DPF3: variants seen among roughly 807,000 people sequenced by gnomAD.
DPF3 encodes double PHD fingers 3.
Under a neutral mutation model 56.8 loss-of-function variants are expected in DPF3, and 18 were observed. The observed-to-expected ratio is 0.32, with a 90% CI of 0.22 to 0.47. DPF3 has a LOEUF of 0.47. Ranked by LOEUF, DPF3 falls within the 20% of genes least tolerant of loss-of-function variation. DPF3 has a pLI of 1.00. For missense variants in DPF3, 403 were observed against 488.8 expected (o/e 0.82, Z 1.65); for synonymous variants, 188 against 180.2 (o/e 1.04, Z -0.35).
intron 1 of DPF3, among the ~76,000 whole-genome samples, chr14:72,870,887 C>T (rs1885873278): frequency 6.6e-6 from 1 of 152,156 alleles, no homozygotes; most frequent in Admixed American, 6.5e-5. Flanking sequence ...CCAGCCTGGG[C>T]AACATGGCAA....
chr14:72,736,353 C>T (rs1387739855), intron 3 of DPF3, among the ~76,000 whole-genome samples: 4 of 152,188 alleles, frequency 2.6e-5, no homozygotes, highest in Admixed American at 2.6e-4. Flanking sequence ...CAGGTGGCTA[C>T]CAGCTACCAT....
intron 1 of DPF3, among the ~76,000 whole-genome samples, chr14:72,874,806 T>G (rs912715671): frequency 6.6e-6 from 1 of 152,240 alleles, no homozygotes; most frequent in Non-Finnish European, 1.5e-5. Flanking sequence ...TTCCAATCTC[T>G]GCCTGTTGCC....
intron 7 of DPF3, among the ~76,000 whole-genome samples, chr14:72,685,996 T>A (rs1887394544): frequency 1.3e-5 from 2 of 152,164 alleles, no homozygotes; most frequent in Admixed American, 6.5e-5. Flanking sequence ...GCACCAGAAG[T>A]TCTCCCAGGG....
intron 8 of DPF3, among the ~76,000 whole-genome samples, chr14:72,640,088 AGCATTACAG>A (rs1885510571): frequency 1.5e-5 from 2 of 131,238 alleles, no homozygotes; most frequent in African/African-American, 5.2e-5. Flanking sequence ...AAATGGAAAC[AGCATTACAG>A]GGAAAGGCAA....
rs1045461812 is a variant in DPF3, at chr14:72,636,481, C to T, written c.872-6745G>A. ...CCCTCTTCTGTCTCTCTCTCTGCCCCATTCCCTCCCCCTCTCTTCATGCTC... is the reference window on the plus strand; with the variant it reads ...CCCTCTTCTGTCTCTCTCTCTGCCCTATTCCCTCCCCCTCTCTTCATGCTC... On this transcript the variant is annotated intron_variant, in intron 8 of 10. Transcript: ENST00000556509. Among the ~76,000 whole-genome samples, 11 of 152,130 alleles carry T rather than the reference C, an allele frequency of 7.2e-5. 1 individual carries two copies. The South Asian group carries it at 2.3e-3, about 32-fold the overall frequency.
intron 2 of DPF3, among the ~76,000 whole-genome samples, chr14:72,770,428 G>A (rs560411734): frequency 6.6e-5 from 10 of 152,282 alleles, no homozygotes. Flanking sequence ...TAAACTACAG[G>A]GGGAAAAATG....
At chr14:72,802,890 G>A (rs868286800) in intron 1 of DPF3, among the ~76,000 whole-genome samples, 4 of 152,108 alleles carry the variant, frequency 2.6e-5, no homozygotes, top group Middle Eastern at 3.4e-3. Context: ...CAGCTATCAC[G>A]CCACCCTTCA....
chr14:72,801,532 T>C (rs1474352597), intron 1 of DPF3, among the ~76,000 whole-genome samples: 1 of 152,200 alleles, frequency 6.6e-6, no homozygotes, highest in Non-Finnish European at 1.5e-5. Flanking sequence ...GGCAATTGCT[T>C]AGAAAACTGC....
At chr14:72,692,806 G>A (rs1312983776) in intron 7 of DPF3, among the ~76,000 whole-genome samples, 1 of 152,154 alleles carries the variant, frequency 6.6e-6, no homozygotes, top group Non-Finnish European at 1.5e-5. Flanking sequence ...GCCAGGTAAG[G>A]ACTTTCTCTT....
intron 7 of DPF3, among the ~76,000 whole-genome samples, 169 bp downstream of exon 7, chr14:72,692,907 G>T (rs988099891): frequency 1.3e-5 from 2 of 152,206 alleles, no homozygotes; most frequent in African/African-American, 4.8e-5. Flanking sequence ...GGGCTGAGCT[G>T]CAGGGGCAGC....
chr14:72,667,437 T>C (rs1886487091), intron 8 of DPF3, among the ~76,000 whole-genome samples: 1 of 152,204 alleles, frequency 6.6e-6, no homozygotes, highest in Non-Finnish European at 1.5e-5. Flanking sequence ...GGCCTGGGAC[T>C]CAGAAAACTC....
At chr14:72,769,937 T>C (rs1215238614) in intron 2 of DPF3, among the ~76,000 whole-genome samples, 1 of 152,158 alleles carries the variant, frequency 6.6e-6, no homozygotes, top group Non-Finnish European at 1.5e-5. Flanking sequence ...CTGCCTTTCA[T>C]ATGTGAACTG....
chr14:72,731,081 A>T (rs1293467634), intron 4 of DPF3, among the ~76,000 whole-genome samples: 2 of 152,296 alleles, frequency 1.3e-5, no homozygotes, highest in Admixed American at 1.3e-4. Flanking sequence ...CACAAGAATC[A>T]CTTGAACCCG....
At chr14:72,674,070 T>G (rs1731841818) in intron 8 of DPF3, 170 bp downstream of exon 8, 2 of 1,110,832 alleles carry the variant, frequency 1.8e-6, no homozygotes, top group African/African-American at 1.6e-5. Context: ...CTTTTGGTTC[T>G]TGAGACCCAA....
chr14:72,711,085 AT>A (rs1888634068), intron 6 of DPF3, among the ~76,000 whole-genome samples: 2 of 152,264 alleles, frequency 1.3e-5, no homozygotes, highest in Non-Finnish European at 2.9e-5. Flanking sequence ...TCAGGAATGC[AT>A]TCCAGGAAGG....
At chr14:72,753,812 C>T (rs368629152) in intron 2 of DPF3, among the ~76,000 whole-genome samples, 3 of 152,112 alleles carry the variant, frequency 2.0e-5, no homozygotes, top group African/African-American at 7.2e-5. Context: ...GGTTGAGAAG[C>T]ATCGCAAAGA....
At chr14:72,727,143 C>CCA (rs140462791) in intron 4 of DPF3, among the ~76,000 whole-genome samples, 6,815 of 152,194 alleles carry the variant, frequency 0.045, 486 homozygotes, top group African/African-American at 0.16. Flanking sequence ...AATACTCCGG[C>CCA]CACACAGGTC....
chr14:72,727,305 C>A (rs1281672576), intron 4 of DPF3, among the ~76,000 whole-genome samples: 3 of 152,226 alleles, frequency 2.0e-5, no homozygotes, highest in African/African-American at 7.2e-5. Context: ...CGACCAGATG[C>A]GGTGGCTCAC....
chr14:72,868,252 C>T (rs1341148735), intron 1 of DPF3, among the ~76,000 whole-genome samples: 3 of 152,114 alleles, frequency 2.0e-5, no homozygotes, highest in African/African-American at 7.2e-5. Context: ...ACATCTCTCT[C>T]CTCCCACCAA....
Sources: gnomAD v4.1 joint callset for allele counts (sites outside exome capture counted in the v4.1 genomes callset) on GRCh38, gnomAD v4.1.1 for gene constraint, MANE v1.5 for transcripts, NCBI Gene and HGNC (gene_info 2026-07-23, HGNC 2026-07-21) for gene names.